Variants in SHROOM2 observed in about 807,000 individuals in gnomAD.
SHROOM2 encodes protein Shroom2.
Under a neutral mutation model 75.9 loss-of-function variants are expected in SHROOM2, and 33 were observed. That is an observed-to-expected ratio of 0.43 (90% CI 0.33 to 0.58). The LOEUF (loss-of-function observed/expected upper bound fraction) is 0.58. Ranked by LOEUF, SHROOM2 falls within the 20% of genes least tolerant of loss-of-function variation. SHROOM2 has a pLI of 0.04. For missense variants in SHROOM2, 1,434 were observed against 1,461.2 expected, an observed-to-expected ratio of 0.98 and a Z score of 0.30; for synonymous variants, 655 against 663.6, an observed-to-expected ratio of 0.99 and a Z score of 0.20.
chrX:9,797,638 C>A (rs1195999016), intron 1 of SHROOM2, among the ~76,000 whole-genome samples: 2 of 112,321 alleles, frequency 1.8e-5, no homozygotes, highest in Non-Finnish European at 3.8e-5. Flanking sequence ...GTCTTTCCAC[C>A]TCCTTACCCT....
At chrX:9,856,754 C>A (rs1432072851) in intron 1 of SHROOM2, among the ~76,000 whole-genome samples, 2 of 111,919 alleles carry the variant, frequency 1.8e-5, no homozygotes, top group African/African-American at 6.5e-5. Context: ...ATGGTAGCTG[C>A]TGCATCCCCA....
chrX:9,875,064 G>C (rs1197429620), intron 2 of SHROOM2, among the ~76,000 whole-genome samples: 1 of 32,535 alleles, frequency 3.1e-5, no homozygotes, highest in Non-Finnish European at 7.1e-5. Context: ...CTGGGTGACA[G>C]AGCAAGACCC....
At chrX:9,897,667 C>G (rs1057240161) in intron 4 of SHROOM2, among the ~76,000 whole-genome samples, 2 of 63,232 alleles carry the variant, frequency 3.2e-5, no homozygotes, top group Non-Finnish European at 5.6e-5. Flanking sequence ...GGCAAAAGAG[C>G]AAGACCCTGT....
chrX:9,839,688 G>T (rs2083969381), intron 1 of SHROOM2, among the ~76,000 whole-genome samples: 1 of 111,973 alleles, frequency 8.9e-6, no homozygotes, highest in Admixed American at 9.6e-5. Context: ...TTGTCAGATG[G>T]ATCAAGAGCT....
intron 5 of SHROOM2, among the ~76,000 whole-genome samples, chrX:9,901,355 A>G (rs2084364775): frequency 8.9e-6 from 1 of 111,942 alleles, no homozygotes; most frequent in African/African-American, 3.2e-5. Flanking sequence ...TCAGTCCCTA[A>G]CACTGGGAGA....
At chrX:9,849,690 C>T (rs1019871613) in intron 1 of SHROOM2, among the ~76,000 whole-genome samples, 4 of 111,634 alleles carry the variant, frequency 3.6e-5, no homozygotes, top group African/African-American at 9.8e-5. Context: ...CCAGATATCT[C>T]GCTCTGGGGT....
chrX:9,923,522 T>C (rs2084566876), intron 5 of SHROOM2, among the ~76,000 whole-genome samples: 1 of 112,360 alleles, frequency 8.9e-6, no homozygotes, highest in Non-Finnish European at 1.9e-5. Flanking sequence ...AACATCCACA[T>C]TGCCTGGAGG....
intron 1 of SHROOM2, among the ~76,000 whole-genome samples, chrX:9,792,251 G>C (rs1035443286): frequency 3.6e-5 from 4 of 110,910 alleles, no homozygotes; most frequent in African/African-American, 9.8e-5. Flanking sequence ...TCCTGTAGTA[G>C]AGCCAGCCTG....
rs1321161573 is a variant in SHROOM2 at position 9,794,881 on chromosome X, C to CG, written c.165+8176dup. On this transcript the variant is annotated intron_variant, in intron 1 of 9. Transcript: ENST00000380913. Reference sequence around the variant, plus strand: ...TATCTCTTAATATATTCAGACACACCGGGGGTCATCTTTTGAGATCTTCTC... The same window carrying CG: ...TATCTCTTAATATATTCAGACACACCGGGGGGTCATCTTTTGAGATCTTCTC... Among the ~76,000 whole-genome samples, 13 of 111,162 alleles carry CG rather than the reference C, an allele frequency of 1.2e-4. No individual in the cohort carries two copies. The Admixed American group carries it at 1.3e-3, about 11-fold the overall frequency.
chrX:9,896,365 C>T lies in SHROOM2; in HGVS notation c.2457C>T (p.His819=), dbSNP rs1430388211. Residue 819 remains histidine, a synonymous_variant, in exon 4 of 10, where the codon CAC becomes CAT. Transcript: ENST00000380913. ...PQRPAQKQAL[H]GIPRDKPERP... is the part of the protein sequence containing the mutation. ...GGCCTGCCCAGAAGCAAGCTCTTCACGGAATCCCGAGAGACAAGCCAGAGA... is the reference window on the plus strand; with the variant it reads ...GGCCTGCCCAGAAGCAAGCTCTTCATGGAATCCCGAGAGACAAGCCAGAGA... 8 of 1,211,324 alleles carry T rather than the reference C, an allele frequency of 6.6e-6. No individual in the cohort carries two copies. Among genetic ancestry groups the T allele is most frequent in the Admixed American group, 2.2e-5 (1 of 45,999 alleles).
intron 1 of SHROOM2, among the ~76,000 whole-genome samples, chrX:9,792,393 A>T (rs1170424031): frequency 9.1e-6 from 1 of 110,028 alleles, no homozygotes; most frequent in Non-Finnish European, 1.9e-5. Flanking sequence ...GATGTTCTGA[A>T]TTGCAAAGCA....
intron 1 of SHROOM2, among the ~76,000 whole-genome samples, chrX:9,814,705 G>A (rs1220217934): frequency 9.0e-6 from 1 of 111,595 alleles, no homozygotes; most frequent in Admixed American, 9.6e-5. Context: ...CATTACAGGG[G>A]ATGGGGAAGC....
Position 9,799,315 on chromosome X carries a change from G to A in SHROOM2, c.165+12605G>A, listed in dbSNP as rs1257977157. Among the ~76,000 whole-genome samples the A allele has an allele frequency of 2.8e-5, 3 of 107,951 alleles. No homozygotes were observed. The East Asian group carries it at 8.8e-4, about 32-fold the overall frequency. 93.7% of individuals were successfully genotyped at this position (107,951 alleles called of 115,157 possible). A position where few individuals can be genotyped will look rare whatever the true frequency, so the allele number is the denominator to read the frequency against. On this transcript the variant is annotated intron_variant, in intron 1 of 9. Coordinates refer to ENST00000380913, the MANE Select transcript of SHROOM2 (RefSeq NM_001649.4). ...CCTGAGTAGCTGGGATTACAGGTGCGCCACCGCGCCCGGCTAATTTTTGTA... is the reference window on the plus strand; with the variant it reads ...CCTGAGTAGCTGGGATTACAGGTGCACCACCGCGCCCGGCTAATTTTTGTA...
intron 5 of SHROOM2, among the ~76,000 whole-genome samples, chrX:9,909,422 T>TC (rs1186937508): frequency 1.1e-4 from 12 of 112,191 alleles, no homozygotes; most frequent in African/African-American, 3.6e-4. Context: ...GGAGCATAGC[T>TC]CCCCCGCTCC....
chrX:9,870,349 T>C (rs2084164852), intron 1 of SHROOM2, among the ~76,000 whole-genome samples: 1 of 112,371 alleles, frequency 8.9e-6, no homozygotes, highest in Non-Finnish European at 1.9e-5. Flanking sequence ...GTCAATATTT[T>C]TATGCTTTGC....
At chrX:9,854,577 A>C (rs1456263914) in intron 1 of SHROOM2, among the ~76,000 whole-genome samples, 4 of 112,306 alleles carry the variant, frequency 3.6e-5, no homozygotes, top group African/African-American at 1.3e-4. Context: ...AGTCGCATAC[A>C]CAGAGTGACT....
rs767010838 is a variant in SHROOM2, at chrX:9,895,800, G to A, written c.1892G>A (p.Arg631Gln). Residue 631 changes from arginine to glutamine, a missense_variant, in exon 4 of 10, where the codon CGG (arginine) becomes CAG (glutamine). Around this residue, in one of 3 missense-constraint regions of SHROOM2, gnomAD observed 1,340 missense variants for 1,338.3 expected, o/e 1.00. Transcript: ENST00000380913. ...AGCGACCGCTTTGCCACCACCCTGC[G>A]GAATGAGATCCAGATGCATAGAGCC... ...RRSDRFATTLRNEIQMHRAKL... is the reference protein window; with the variant it reads ...RRSDRFATTLQNEIQMHRAKL... 16 of 1,203,288 alleles carry A rather than the reference G, an allele frequency of 1.3e-5. No individual in the cohort carries two copies. In the African/African-American group the frequency reaches 1.4e-4, roughly 10 times the overall value.
chrX:9,860,103 C>T (rs1024027371), intron 1 of SHROOM2, among the ~76,000 whole-genome samples: 2 of 111,745 alleles, frequency 1.8e-5, no homozygotes, highest in African/African-American at 6.5e-5. Flanking sequence ...CATCTGGAAG[C>T]ATTTGAATTG....
chrX:9,796,653 T>G (rs1312695022), intron 1 of SHROOM2, among the ~76,000 whole-genome samples: 1 of 110,262 alleles, frequency 9.1e-6, no homozygotes, highest in Non-Finnish European at 1.9e-5. Context: ...TTTGTTTTTT[T>G]GTTTGTTTTG....
Sources: allele counts gnomAD v4.1 joint callset (sites outside exome capture counted in the v4.1 genomes callset), GRCh38; gene constraint gnomAD v4.1.1; regional missense constraint gnomAD v4.1.1; transcripts MANE v1.5; gene names NCBI Gene and HGNC (gene_info 2026-07-23, HGNC 2026-07-21).